The following CD80 variants were observed in gnomAD, a reference collection of about 807,000 sequenced individuals.
CD80 encodes the protein T-lymphocyte activation antigen CD80.
In CD80, 13 loss-of-function variants were observed where a neutral mutation model predicts 27.1. The ratio of observed to expected loss-of-function variants is 0.48; its 90% confidence interval spans 0.31 to 0.76. The LOEUF (loss-of-function observed/expected upper bound fraction) is 0.76. Ranked by LOEUF, CD80 falls within the 30% of genes least tolerant of loss-of-function variation. CD80 has a pLI of 0.04. For synonymous variants in CD80, 125 were observed against 125.5 expected (o/e 1.00, Z 0.03); for missense variants, 277 against 347.9 (o/e 0.80, Z 1.62).
chr3:119,547,429 T>C (rs2082207855), intron 2 of CD80, among the ~76,000 whole-genome samples: 1 of 152,238 alleles, frequency 6.6e-6, no homozygotes. Flanking sequence ...TTGCTTTATG[T>C]TGAAGTCTGT....
intron 2 of CD80, among the ~76,000 whole-genome samples, chr3:119,553,960 G>A (rs1346221331): frequency 6.6e-6 from 1 of 152,158 alleles, no homozygotes; most frequent in Non-Finnish European, 1.5e-5. Flanking sequence ...GTCAGCCCTG[G>A]GCTAGGTGCT....
rs577704666 is a variant in CD80 at position 119,554,526 on chromosome 3, C to T, written c.100+3103G>A. Among the ~76,000 whole-genome samples, 4 of 152,290 alleles carry T rather than the reference C, an allele frequency of 2.6e-5. No homozygotes were observed. In the East Asian group the frequency reaches 7.7e-4, roughly 29 times the overall value. On this transcript the variant is annotated intron_variant, in intron 2 of 6. Coordinates refer to ENST00000264246, the MANE Select transcript of CD80 (RefSeq NM_005191.4). ...AGTCAGGCGTTTCTGCCTCCATAGA[C>T]AGTGCCTGCAGGCCTAGAGGGGGAG...
At chr3:119,554,733 A>G (rs991342379) in intron 2 of CD80, among the ~76,000 whole-genome samples, 11 of 152,038 alleles carry the variant, frequency 7.2e-5, no homozygotes, top group African/African-American at 2.7e-4. Flanking sequence ...TATTCACTGA[A>G]TCTCACCTCC....
intron 2 of CD80, among the ~76,000 whole-genome samples, chr3:119,548,657 G>C (rs559957764): frequency 1.9e-3 from 294 of 152,226 alleles, no homozygotes; most frequent in Non-Finnish European, 3.9e-3. Context: ...GATTTCTTCA[G>C]TTTTAGGCCA....
intron 4 of CD80, among the ~76,000 whole-genome samples, chr3:119,534,489 G>T (rs988718162): frequency 1.3e-5 from 2 of 151,986 alleles, no homozygotes; most frequent in Admixed American, 1.3e-4. Context: ...GAATTGAGTT[G>T]TTGCAACAGA....
intron 2 of CD80, among the ~76,000 whole-genome samples, chr3:119,547,836 A>G (rs1199254923): frequency 6.6e-6 from 1 of 152,120 alleles, no homozygotes; most frequent in Non-Finnish European, 1.5e-5. Context: ...TTCCACCTAT[A>G]CATACCACTG....
At chr3:119,527,015 G>A (rs773332802) in intron 6 of CD80, among the ~76,000 whole-genome samples, 1 of 152,162 alleles carries the variant, frequency 6.6e-6, no homozygotes, top group Non-Finnish European at 1.5e-5. Flanking sequence ...CTCTTAACAG[G>A]ATGGACATTC....
rs1282378141 is a variant in CD80, at chr3:119,537,415, T to A, written c.422A>T (p.Asp141Val). 9 of 1,590,418 alleles carry A rather than the reference T, an allele frequency of 5.7e-6. No individual in the cohort carries two copies. The highest frequency in any genetic ancestry group is 1.7e-5 in the Admixed American group (1 of 59,660). The change falls in exon 4 of 7, where the codon GAC becomes GTC. Residue 141 changes from aspartate to valine, a missense_variant. Coordinates refer to ENST00000264246, the MANE Select transcript of CD80 (RefSeq NM_005191.4). ...LAEVTLSVKA[D>V]FPTPSISDFE... ...GTCAGATATACTAGGTGTAGGGAAGTCAGCTAAAGAAAGAACAAGAATATA... is the reference window on the plus strand; with the variant it reads ...GTCAGATATACTAGGTGTAGGGAAGACAGCTAAAGAAAGAACAAGAATATA...
intron 2 of CD80, among the ~76,000 whole-genome samples, chr3:119,545,336 CCAAACAAACAAA>C (rs138694157): frequency 6.6e-6 from 1 of 151,068 alleles, no homozygotes; most frequent in African/African-American, 2.5e-5. Flanking sequence ...AACTCCATCT[CCAAACAAACAAA>C]CAAACAAACA....
rs759136851 is a variant in CD80, at chr3:119,544,638, G to A, written c.330C>T (p.Asp110=). 1.2e-5 allele frequency: 19 copies of A among 1,613,944 alleles called. No homozygotes were observed. Among genetic ancestry groups the A allele is most frequent in the South Asian group, 5.5e-5 (5 of 91,084 alleles). The change falls in exon 3 of 7, where the codon GAC becomes GAT. Residue 110 remains aspartate, a synonymous_variant. Coordinates refer to ENST00000264246, the MANE Select transcript of CD80 (RefSeq NM_005191.4). ...GAACAACACACTCGTATGTGCCCTCGTCAGATGGGCGCAGAGCCAGGATCA... is the reference window on the plus strand; with the variant it reads ...GAACAACACACTCGTATGTGCCCTCATCAGATGGGCGCAGAGCCAGGATCA... The part of the protein sequence containing the change: ...SIVILALRPS[D]EGTYECVVLK...
At chr3:119,551,543 T>C (rs2082232089) in intron 2 of CD80, among the ~76,000 whole-genome samples, 1 of 152,164 alleles carries the variant, frequency 6.6e-6, no homozygotes, top group Non-Finnish European at 1.5e-5. Context: ...TGCCATGGGA[T>C]GATGCAGCAA....
In CD80 at chr3:119,524,498, A is replaced by C. The variant is rs1037448909; in HGVS notation, c.*1290T>G. The C allele has an allele frequency of 3.9e-5, 6 of 152,252 alleles. No homozygotes were observed. The highest frequency in any genetic ancestry group is 2.0e-4 in the Admixed American group (3 of 15,280). The allele number at this position is 152,252 out of a possible 1,614,324, so 9.4% of individuals were successfully genotyped here. ...TGTTGGTGTTAGACCTCTCTGCCCT[A>C]CACTGAGAATATAGTTTTACACAGG... On this transcript the variant is annotated 3_prime_UTR_variant, in exon 7 of 7. Transcript: ENST00000264246.
chr3:119,535,469 C>T (rs1029969852), intron 4 of CD80, among the ~76,000 whole-genome samples: 3 of 152,150 alleles, frequency 2.0e-5, no homozygotes, highest in Non-Finnish European at 4.4e-5. Context: ...TCTGTATGAT[C>T]AGCCGTACAA....
chr3:119,553,528 C>T (rs1459704507), intron 2 of CD80, among the ~76,000 whole-genome samples: 2 of 152,210 alleles, frequency 1.3e-5, no homozygotes, highest in Non-Finnish European at 2.9e-5. Context: ...AGACCTGAGT[C>T]TTCCCCACCC....
At chr3:119,545,742 C>A (rs900827596) in intron 2 of CD80, among the ~76,000 whole-genome samples, 2 of 151,844 alleles carry the variant, frequency 1.3e-5, no homozygotes, top group Non-Finnish European at 2.9e-5. Context: ...ACACACACCC[C>A]CCCCCACATT....
chr3:119,532,155 G>T (rs1302207699), intron 4 of CD80, among the ~76,000 whole-genome samples: 1 of 151,968 alleles, frequency 6.6e-6, no homozygotes, highest in African/African-American at 2.4e-5. Context: ...GTCCCATTTT[G>T]CCCTTACTGG....
intron 3 of CD80, among the ~76,000 whole-genome samples, chr3:119,538,082 C>T (rs1384705464): frequency 6.6e-6 from 1 of 152,164 alleles, no homozygotes. Flanking sequence ...GACCTTACCT[C>T]ATTTTGTCCT....
At chr3:119,552,892 T>C (rs1340609061) in intron 2 of CD80, among the ~76,000 whole-genome samples, 1 of 151,942 alleles carries the variant, frequency 6.6e-6, no homozygotes, top group East Asian at 1.9e-4. Flanking sequence ...AGAAAAGAAA[T>C]GTCTAGAACA....
At chr3:119,544,462 TA>T in intron 3 of CD80, 87 bp downstream of exon 3, 1 of 1,164,012 alleles carries the variant, frequency 8.6e-7, no homozygotes. Context: ...CCCTCTTTGG[TA>T]AAATTTTCAC....
Sources: allele counts gnomAD v4.1 joint callset (sites outside exome capture counted in the v4.1 genomes callset), GRCh38; gene constraint gnomAD v4.1.1; transcripts MANE v1.5; gene names NCBI Gene and HGNC (gene_info 2026-07-23, HGNC 2026-07-21).